The following ZNF717 variants were observed in gnomAD, a reference collection of about 807,000 sequenced individuals.
The protein encoded by ZNF717 is zinc finger protein 717.
A neutral mutation model predicts 13.8 loss-of-function variants in ZNF717; 9 were observed. The ratio of observed to expected loss-of-function variants is 0.65; its 90% confidence interval spans 0.39 to 1.14. ZNF717 has a LOEUF of 1.14. Ranked by LOEUF, ZNF717 falls within the 50% of genes most tolerant of loss-of-function variation. The probability of loss-of-function intolerance (pLI) is 0.01; values close to 1 mark genes in which losing one functional copy is unlikely to be tolerated. For synonymous variants in ZNF717, 327 were observed against 364.1 expected (o/e 0.90, Z 1.16); for missense variants, 1,040 against 1,080.7 (o/e 0.96, Z 0.53).
In ZNF717 at chr3:75,737,989, C is replaced by T; in HGVS notation, c.1634G>A (p.Ser545Asn). The T allele has an allele frequency of 3.0e-6, 4 of 1,343,842 alleles. No homozygotes were observed. The South Asian group carries it at 5.8e-5, about 19-fold the overall frequency. 83.2% of individuals were successfully genotyped at this position (1,343,842 alleles called of 1,614,324 possible). A position where few individuals can be genotyped will look rare whatever the true frequency, so the allele number is the denominator to read the frequency against. ...YACNECGKTY[S>N]HKSYLTVHHR... Reference sequence around the variant, plus strand: ...ATGTACTGTAAGGTATGACTTGTGGCTATATGTTTTTCCACATTCGTTACA... The same window carrying T: ...ATGTACTGTAAGGTATGACTTGTGGTTATATGTTTTTCCACATTCGTTACA... Residue 545 changes from serine (S) to asparagine (N), a missense_variant, in exon 5 of 5, where the codon AGC (serine) becomes AAC (asparagine). Around this residue, in one of 3 missense-constraint regions of ZNF717, gnomAD observed 873 missense variants for 832.8 expected, o/e 1.05. Transcript: ENST00000652011.
intron 6 of ZNF717, among the ~76,000 whole-genome samples, chr3:75,697,502 T>C (rs1937616290): frequency 6.7e-6 from 1 of 149,830 alleles, no homozygotes; most frequent in Non-Finnish European, 1.5e-5. Flanking sequence ...AACTTGCACC[T>C]CTGTTTTTCA....
In ZNF717 at chr3:75,722,824, T is replaced by A. The variant is rs74281640; in HGVS notation, n.545-6283A>T. 5.2e-3 allele frequency among the ~76,000 whole-genome samples: 416 copies of A among 80,202 alleles called. 2 individuals carry two copies. Among genetic ancestry groups the A allele is most frequent in the Non-Finnish European group, 8.2e-3 (309 of 37,538 alleles). The allele number at this position is 80,202 out of a possible 152,430, so 52.6% of individuals were successfully genotyped here. On this transcript the variant is annotated intron_variant and non_coding_transcript_variant, in intron 4 of 5. Coordinates refer to the ZNF717 transcript ENST00000491507. The stretch of plus-strand genomic sequence containing the variant: ...ATCTCAAAAAAAAAAAAAAAAAAAA[T>A]TTAAGTATTTTTGGCCAACTATTGT...
chr3:75,771,996 T>C (rs1322751213), intron 2 of ZNF717, among the ~76,000 whole-genome samples: 2 of 152,310 alleles, frequency 1.3e-5, no homozygotes, highest in East Asian at 3.9e-4. Flanking sequence ...GCCAGCCCCC[T>C]GTCACCTCGC....
chr3:75,701,721 T>C lies in ZNF717; in HGVS notation n.1085+9466A>G, dbSNP rs1937700844. Among the ~76,000 whole-genome samples the C allele has an allele frequency of 2.0e-5, 3 of 152,390 alleles. No homozygotes were observed. In the South Asian group the frequency reaches 6.2e-4, roughly 32 times the overall value. Reference sequence around the variant, plus strand: ...TAAATAGATAACCCAGTCTCGAGTATTTTTTTATAGCAGTGCAGAAACAGA... The same window carrying C: ...TAAATAGATAACCCAGTCTCGAGTACTTTTTTATAGCAGTGCAGAAACAGA... On this transcript the variant is annotated intron_variant and non_coding_transcript_variant, in intron 6 of 6. Coordinates refer to the ZNF717 transcript ENST00000648506.
chr3:75,717,687 A>G (rs1302965041), intron 4 of ZNF717, among the ~76,000 whole-genome samples: 4 of 152,162 alleles, frequency 2.6e-5, no homozygotes, highest in African/African-American at 9.7e-5. Flanking sequence ...GGAGGCCCAC[A>G]AAAAGGCTAC....
chr3:75,738,133 T>C lies in ZNF717; in HGVS notation c.1490A>G (p.His497Arg). 1 of 1,359,080 alleles carries C rather than the reference T, an allele frequency of 7.4e-7. No individual in the cohort carries two copies. The highest frequency in any genetic ancestry group is 1.4e-5 in the South Asian group (1 of 69,862). 84.2% of individuals were successfully genotyped at this position (1,359,080 alleles called of 1,614,324 possible). A position where few individuals can be genotyped will look rare whatever the true frequency, so the allele number is the denominator to read the frequency against. The change falls in exon 5 of 5, where the codon CAT (histidine) becomes CGT (arginine). Residue 497 changes from histidine to arginine, a missense_variant. Transcript: ENST00000652011. ...TTTTTCCCCTGTGTGAGTCCATTGA[T>C]GGATAGTGAGGAATGACTTACGGTG... ...TFHRKSFLTIHQWTHTGEKPY... is the reference protein window; with the variant it reads ...TFHRKSFLTIRQWTHTGEKPY...
chr3:75,770,327 G>A lies in ZNF717; in HGVS notation c.57+12979C>T, dbSNP rs187291166. Among the ~76,000 whole-genome samples the A allele has an allele frequency of 3.8e-3, 575 of 152,366 alleles. 3 individuals carry two copies. Among genetic ancestry groups the A allele is most frequent in the African/African-American group, 0.012 (493 of 41,592 alleles). Reference sequence around the variant, plus strand: ...TGCAATCCCAGCACTTTGGGAGGCCGAGGCGGGCAGATCACCTGAGGTCGG... The same window carrying A: ...TGCAATCCCAGCACTTTGGGAGGCCAAGGCGGGCAGATCACCTGAGGTCGG... On this transcript the variant is annotated intron_variant, in intron 2 of 4. Coordinates refer to ENST00000652011, the MANE Select transcript of ZNF717 (RefSeq NM_001290208.3).
intron 2 of ZNF717, among the ~76,000 whole-genome samples, chr3:75,751,798 C>T (rs1941850163): frequency 6.6e-6 from 1 of 151,764 alleles, no homozygotes; most frequent in East Asian, 1.9e-4. Flanking sequence ...AATGTTTGTC[C>T]CTCAGATAGG....
intron 2 of ZNF717, among the ~76,000 whole-genome samples, chr3:75,776,998 G>A (rs146283126): frequency 1.8e-3 from 273 of 152,316 alleles, no homozygotes; most frequent in African/African-American, 5.9e-3. Context: ...CCTGAGTAAG[G>A]AGCATATGCC....
At chr3:75,729,130 T>G (rs200928439), downstream of ZNF717, among the ~76,000 whole-genome samples, 1,175 of 74,406 alleles carry the variant, frequency 0.016, no homozygotes, top group Middle Eastern at 0.051. Flanking sequence ...ACAGGGAGGG[T>G]GAACAATCAG....
intron 5 of ZNF717, among the ~76,000 whole-genome samples, chr3:75,713,897 T>C (rs1172398930): frequency 6.6e-6 from 1 of 152,086 alleles, no homozygotes; most frequent in African/African-American, 2.4e-5. Flanking sequence ...TCTCCAATGA[T>C]AGGTAAGGTC....
At chr3:75,733,637 G>A (rs1157631984), downstream of ZNF717, among the ~76,000 whole-genome samples, 1 of 150,930 alleles carries the variant, frequency 6.6e-6, no homozygotes, top group African/African-American at 2.4e-5. Context: ...AAATTAGCCA[G>A]GCGTAGGGGT....
intron 2 of ZNF717, among the ~76,000 whole-genome samples, chr3:75,744,723 C>T (rs73117255): frequency 6.6e-6 from 1 of 150,842 alleles, no homozygotes; most frequent in Non-Finnish European, 1.5e-5. Context: ...AAACACCTGA[C>T]AAAACTCCCC....
chr3:75,711,600 A>G (rs1324950508), intron 5 of ZNF717, among the ~76,000 whole-genome samples: 3 of 152,184 alleles, frequency 2.0e-5, no homozygotes, highest in African/African-American at 2.4e-5. Context: ...GTTTGAGATC[A>G]GCCTGGGCAA....
intron 2 of ZNF717, among the ~76,000 whole-genome samples, chr3:75,746,348 G>GT (rs1259325203): frequency 8.5e-5 from 13 of 152,268 alleles, no homozygotes; most frequent in African/African-American, 2.9e-4. Context: ...ACTTACGTGT[G>GT]TATGTGTCTT....
At chr3:75,784,326 G>A (rs1417049939) in intron 1 of ZNF717, among the ~76,000 whole-genome samples, 1 of 152,190 alleles carries the variant, frequency 6.6e-6, no homozygotes, top group Non-Finnish European at 1.5e-5. Flanking sequence ...GGTTTAATTA[G>A]TTCCTTAAAC....
At position 75,741,288 on chromosome 3, in the gene ZNF717, G is replaced by C. The variant is rs1318774058; in HGVS notation, c.265C>G (p.Leu89Val). 4.6e-5 allele frequency: 71 copies of C among 1,547,816 alleles called. No homozygotes were observed. The African/African-American group carries it at 8.8e-4, about 19-fold the overall frequency. The change falls in exon 4 of 5, where the codon CTG becomes GTG. Residue 89 changes from leucine to valine, a missense_variant. Leu to Val is a conservative substitution (Grantham distance 32). Transcript: ENST00000652011. ...EPWIVEETPN[L>V]RLSAVQIIDD... is the part of the protein sequence containing the mutation. ...TTCACTGACTGACCTGAAAGTCTCA[G>C]GTTTGGGGTTTCTTCTACTATCCAT...
downstream of ZNF717, among the ~76,000 whole-genome samples, chr3:75,727,033 G>A (rs2106884207): frequency 6.6e-6 from 1 of 152,300 alleles, no homozygotes; most frequent in South Asian, 2.1e-4. Flanking sequence ...CCAAATGGAG[G>A]GACTGGCTGG....
chr3:75,753,604 A>T (rs1942155078), intron 2 of ZNF717, among the ~76,000 whole-genome samples: 1 of 151,992 alleles, frequency 6.6e-6, no homozygotes, highest in Non-Finnish European at 1.5e-5. Flanking sequence ...TTTGTCCTTC[A>T]CATAGGATTC....
Sources: allele counts gnomAD v4.1 joint callset (sites outside exome capture counted in the v4.1 genomes callset), GRCh38; gene constraint gnomAD v4.1.1; regional missense constraint gnomAD v4.1.1; transcripts MANE v1.5; gene names NCBI Gene and HGNC (gene_info 2026-07-23, HGNC 2026-07-21).